The following SCHIP1 variants were observed in gnomAD, a reference collection of about 807,000 sequenced individuals.
SCHIP1 encodes the protein schwannomin interacting protein 1, also known as schwannomin-interacting protein 1.
In SCHIP1, 8 loss-of-function variants were observed where a neutral mutation model predicts 29.7. That is an observed-to-expected ratio of 0.27 (90% confidence interval 0.16 to 0.49). SCHIP1 has a LOEUF of 0.49. SCHIP1 is among the 20% of genes least tolerant of loss of function. SCHIP1 has a pLI of 0.99. For synonymous variants in SCHIP1, 76 were observed against 94.9 expected (o/e 0.80, Z 1.16); for missense variants, 193 against 294.6 (o/e 0.66, Z 2.52).
chr3:159,371,946 A>G, the SCHIP1 span, among the ~76,000 whole-genome samples: 1 of 151,722 alleles, frequency 6.6e-6, no homozygotes. Context: ...TATATGTACT[A>G]TTATTTACCT....
chr3:159,274,264 C>T, the SCHIP1 span: 1 of 985,242 alleles, frequency 1.0e-6, no homozygotes, highest in Non-Finnish European at 1.2e-6. Flanking sequence ...GAAAGTAGTT[C>T]CTGATTTGTA....
chr3:159,666,331 A>G, the SCHIP1 span, among the ~76,000 whole-genome samples: 4 of 152,232 alleles, frequency 2.6e-5, no homozygotes, highest in African/African-American at 9.6e-5. Context: ...GTAATACTGT[A>G]CATTCACTTT....
At chr3:159,634,144 A>G in the SCHIP1 span, among the ~76,000 whole-genome samples, 1 of 152,162 alleles carries the variant, frequency 6.6e-6, no homozygotes, top group South Asian at 2.1e-4. Flanking sequence ...GAAAATAAAG[A>G]GATTATGTTT....
the SCHIP1 span, among the ~76,000 whole-genome samples, chr3:159,523,567 G>A: frequency 6.6e-6 from 1 of 152,028 alleles, no homozygotes; most frequent in Non-Finnish European, 1.5e-5. Context: ...GTGTATATAA[G>A]TGTGTGCGTG....
chr3:159,492,484 T>C, the SCHIP1 span, among the ~76,000 whole-genome samples: 28 of 151,836 alleles, frequency 1.8e-4, no homozygotes, highest in Admixed American at 2.6e-4. Context: ...GGCGATCAAC[T>C]GGAAGAAAGG....
At chr3:159,781,573 T>C in the SCHIP1 span, among the ~76,000 whole-genome samples, 1 of 152,230 alleles carries the variant, frequency 6.6e-6, no homozygotes, top group Non-Finnish European at 1.5e-5. Flanking sequence ...TATGCCATTA[T>C]TTTTTCTTCA....
At chr3:159,563,734 A>G in the SCHIP1 span, among the ~76,000 whole-genome samples, 1 of 152,160 alleles carries the variant, frequency 6.6e-6, no homozygotes, top group Admixed American at 6.6e-5. Context: ...CTAAGGCAAC[A>G]GAATCACTTT....
chr3:159,303,748 T>C, the SCHIP1 span, among the ~76,000 whole-genome samples: 1 of 152,100 alleles, frequency 6.6e-6, no homozygotes, highest in African/African-American at 2.4e-5. Context: ...ACAGTAATAA[T>C]TTTTAATTCA....
chr3:159,875,946 A>C (rs1298495295), intron 2 of SCHIP1, among the ~76,000 whole-genome samples: 1 of 152,190 alleles, frequency 6.6e-6, no homozygotes, highest in Non-Finnish European at 1.5e-5. Flanking sequence ...ACAAAACAAA[A>C]CAAACCATGA....
chr3:159,688,350 A>G, the SCHIP1 span, among the ~76,000 whole-genome samples: 1 of 152,246 alleles, frequency 6.6e-6, no homozygotes, highest in African/African-American at 2.4e-5. Context: ...TCTAATGACC[A>G]GTGATGATGA....
chr3:159,846,218 C>T (rs148533187), intron 1 of SCHIP1, among the ~76,000 whole-genome samples: 1 of 152,204 alleles, frequency 6.6e-6, no homozygotes, highest in African/African-American at 2.4e-5. Flanking sequence ...ATAATTTTAC[C>T]ACCGCATGGA....
At chr3:159,288,877 A>G in the SCHIP1 span, among the ~76,000 whole-genome samples, 1 of 152,250 alleles carries the variant, frequency 6.6e-6, no homozygotes, top group East Asian at 1.9e-4. Context: ...CTCCCTCCCC[A>G]TGCTCCATAC....
the SCHIP1 span, among the ~76,000 whole-genome samples, chr3:159,563,443 A>G: frequency 4.2e-4 from 64 of 152,240 alleles, no homozygotes; most frequent in East Asian, 0.012. Context: ...TATAATAAAT[A>G]CCTAGATATA....
the SCHIP1 span, among the ~76,000 whole-genome samples, chr3:159,431,333 G>C: frequency 6.6e-6 from 1 of 151,894 alleles, no homozygotes; most frequent in East Asian, 1.9e-4. Context: ...GTAGCTATGA[G>C]GGAGTAGAGG....
chr3:159,476,836 G>C, the SCHIP1 span, among the ~76,000 whole-genome samples: 2 of 151,864 alleles, frequency 1.3e-5, no homozygotes, highest in Non-Finnish European at 2.9e-5. Context: ...CTCTTATTTT[G>C]AAAAATACAA....
At chr3:159,572,386 G>A in the SCHIP1 span, among the ~76,000 whole-genome samples, 6 of 152,136 alleles carry the variant, frequency 3.9e-5, no homozygotes, top group Non-Finnish European at 7.3e-5. Context: ...TTACCCAGTC[G>A]TCATTCAGGA....
the SCHIP1 span, among the ~76,000 whole-genome samples, chr3:159,345,646 T>C: frequency 6.6e-6 from 1 of 152,126 alleles, no homozygotes; most frequent in Non-Finnish European, 1.5e-5. Context: ...CTGTGGTTTC[T>C]GTTCTCTCCT....
intron 5 of SCHIP1, among the ~76,000 whole-genome samples, chr3:159,889,832 C>T (rs1487498760): frequency 6.6e-6 from 1 of 152,192 alleles, no homozygotes; most frequent in Non-Finnish European, 1.5e-5. Context: ...CGCGGTGGCT[C>T]ATGCCTGTGA....
At chr3:159,786,693 G>A in the SCHIP1 span, among the ~76,000 whole-genome samples, 17,091 of 146,956 alleles carry the variant, frequency 0.12, 1,768 homozygotes, top group African/African-American at 0.27. Flanking sequence ...GTGTGTGTGT[G>A]TGTCTGCGCG....
Sources: allele counts gnomAD v4.1 joint callset (sites outside exome capture counted in the v4.1 genomes callset), GRCh38; gene constraint gnomAD v4.1.1; transcripts MANE v1.5; gene names NCBI Gene and HGNC (gene_info 2026-07-23, HGNC 2026-07-21).